CAMK2D: variants seen among roughly 807,000 people sequenced by gnomAD.
CAMK2D encodes calcium/calmodulin dependent protein kinase II delta.
A neutral mutation model predicts 84.0 loss-of-function variants in CAMK2D; 37 were observed. The ratio of observed to expected loss-of-function variants is 0.44; its 90% CI spans 0.34 to 0.58. CAMK2D has a LOEUF of 0.58. CAMK2D is among the 20% of genes least tolerant of loss of function. The probability of loss-of-function intolerance (pLI) is 0.02; values close to 1 mark genes in which losing one functional copy is unlikely to be tolerated. For synonymous variants in CAMK2D, 202 were observed against 212.5 expected (o/e 0.95, Z 0.43); for missense variants, 448 against 652.5 (o/e 0.69, Z 3.41).
chr4:113,457,854 G>T (rs2097323555), intron 18 of CAMK2D, among the ~76,000 whole-genome samples: 1 of 152,172 alleles, frequency 6.6e-6, no homozygotes, highest in African/African-American at 2.4e-5. Flanking sequence ...ATTTACAATG[G>T]AAAGTGGTTA....
chr4:113,567,169 T>C lies in CAMK2D; in HGVS notation c.276-15073A>G, dbSNP rs1030019200. Among the ~76,000 whole-genome samples the C allele has an allele frequency of 6.4e-4, 64 of 100,446 alleles. 1 individual carries two copies. The East Asian group carries it at 0.016, about 26-fold the overall frequency. 65.9% of individuals were successfully genotyped at this position (100,446 alleles called of 152,430 possible). ...AGATCTTTTTTTTCTTTTCTTTTCCTTTTTTTTTTTTTTTTTGAGATGGAG... is the reference window on the plus strand; with the variant it reads ...AGATCTTTTTTTTCTTTTCTTTTCCCTTTTTTTTTTTTTTTTGAGATGGAG... On this transcript the variant is annotated intron_variant, in intron 4 of 20. Transcript: ENST00000511664.
chr4:113,638,002 T>C (rs1394573636), intron 3 of CAMK2D, among the ~76,000 whole-genome samples: 1 of 152,132 alleles, frequency 6.6e-6, no homozygotes, highest in Admixed American at 6.6e-5. Flanking sequence ...CCATCCTCCT[T>C]CTCCCAAATA....
chr4:113,622,630 G>A (rs934786426), intron 3 of CAMK2D, among the ~76,000 whole-genome samples: 2 of 152,148 alleles, frequency 1.3e-5, no homozygotes, highest in African/African-American at 4.8e-5. Flanking sequence ...TGGACGTGGT[G>A]TTGCATGCCT....
intron 14 of CAMK2D, among the ~76,000 whole-genome samples, chr4:113,504,564 A>G (rs2098101749): frequency 6.6e-6 from 1 of 152,232 alleles, no homozygotes; most frequent in African/African-American, 2.4e-5. Context: ...CAACAATCCC[A>G]TTAGCTCTCC....
intron 8 of CAMK2D, among the ~76,000 whole-genome samples, chr4:113,527,803 T>C (rs1290260048): frequency 6.6e-6 from 1 of 152,200 alleles, no homozygotes; most frequent in African/African-American, 2.4e-5. Context: ...TGGGGTATAA[T>C]ATGATGTTTT....
rs539789399 is a variant in CAMK2D, at chr4:113,607,626, C to T, written c.275+1526G>A. Among the ~76,000 whole-genome samples, 18 of 152,124 alleles carry T rather than the reference C, an allele frequency of 1.2e-4. No individual in the cohort carries two copies. In the South Asian group the frequency reaches 3.5e-3, roughly 30 times the overall value. On this transcript the variant is annotated intron_variant, in intron 4 of 20. Transcript: ENST00000511664. ...GCACCCTGTAATCCCTGTCCCCGCC[C>T]GCAAGAGAAAAATCCCCTTTGACTG...
rs564083742 is a variant in CAMK2D, at chr4:113,589,701, T to G, written c.275+19451A>C. 3.9e-4 allele frequency among the ~76,000 whole-genome samples: 60 copies of G among 152,224 alleles called. 1 individual carries two copies. In the South Asian group the frequency reaches 0.011, roughly 29 times the overall value. On this transcript the variant is annotated intron_variant, in intron 4 of 20. Coordinates refer to ENST00000511664, the MANE Select transcript of CAMK2D (RefSeq NM_001321571.2). The stretch of plus-strand genomic sequence containing the variant: ...TTGAGATGCCAATTAGACATGCAAG[T>G]AGAGATAGTGAGTAGGCAACAGAAT...
intron 2 of CAMK2D, among the ~76,000 whole-genome samples, chr4:113,696,255 C>A (rs928254392): frequency 4.0e-5 from 6 of 151,210 alleles, no homozygotes; most frequent in African/African-American, 1.5e-4. Context: ...CCTTAGCCCC[C>A]TTCCCTTGCA....
chr4:113,469,723 T>C (rs1221379711), intron 16 of CAMK2D, among the ~76,000 whole-genome samples: 1 of 152,182 alleles, frequency 6.6e-6, no homozygotes, highest in Non-Finnish European at 1.5e-5. Context: ...TGCTCTTCCA[T>C]GGATCCCCAT....
intron 3 of CAMK2D, among the ~76,000 whole-genome samples, chr4:113,611,045 A>G (rs1050940074): frequency 9.7e-6 from 1 of 102,896 alleles, no homozygotes; most frequent in Admixed American, 1.1e-4. Flanking sequence ...ATATATACAC[A>G]TAACACACAC....
intron 4 of CAMK2D, among the ~76,000 whole-genome samples, chr4:113,559,644 A>T (rs988689995): frequency 1.3e-5 from 2 of 152,252 alleles, no homozygotes; most frequent in African/African-American, 4.8e-5. Flanking sequence ...TGCCAAGGCA[A>T]CTGCCTTTGA....
chr4:113,738,216 A>G (rs1479327528), intron 2 of CAMK2D, among the ~76,000 whole-genome samples: 1 of 152,058 alleles, frequency 6.6e-6, no homozygotes, highest in Admixed American at 6.6e-5. Flanking sequence ...TGAAAAAAAA[A>G]AAAAAACTAC....
intron 3 of CAMK2D, among the ~76,000 whole-genome samples, chr4:113,636,125 A>G (rs1481739838): frequency 6.6e-6 from 1 of 152,102 alleles, no homozygotes; most frequent in African/African-American, 2.4e-5. Context: ...CCGGTAACAA[A>G]TCCTTTCATC....
intron 17 of CAMK2D, 145 bp from the exon 18 acceptor site, chr4:113,460,386 T>C: frequency 1.5e-6 from 1 of 651,720 alleles, no homozygotes; most frequent in Non-Finnish European, 2.7e-6. Flanking sequence ...TCATAAACCT[T>C]GGCAAGGTGG....
intron 3 of CAMK2D, among the ~76,000 whole-genome samples, chr4:113,651,523 AC>A: frequency 6.6e-6 from 1 of 152,232 alleles, no homozygotes; most frequent in East Asian, 1.9e-4. Flanking sequence ...GTTATCTCAA[AC>A]CCCTAAATTG....
At chr4:113,610,827 T>A (rs1161922392) in intron 3 of CAMK2D, among the ~76,000 whole-genome samples, 1 of 152,150 alleles carries the variant, frequency 6.6e-6, no homozygotes, top group Non-Finnish European at 1.5e-5. Flanking sequence ...GCATATTTTA[T>A]CTTTATTTAC....
chr4:113,732,446 A>G (rs560031909), intron 2 of CAMK2D, among the ~76,000 whole-genome samples: 13 of 152,188 alleles, frequency 8.5e-5, no homozygotes, highest in African/African-American at 2.9e-4. Context: ...TAATGTCGAA[A>G]CACTTGCATT....
At chr4:113,556,619 A>G (rs916407752) in intron 4 of CAMK2D, among the ~76,000 whole-genome samples, 11 of 152,110 alleles carry the variant, frequency 7.2e-5, no homozygotes, top group African/African-American at 2.7e-4. Flanking sequence ...GCCCTGTTCT[A>G]GGTGCGGCAG....
rs114665133 is a variant in CAMK2D at position 113,631,341 on chromosome 4, C to T, written c.221-22135G>A. ...CAGCCTGGGCAACATGGCAAAACCT[C>T]GTCTCCATTTTTTAAAAATTAAAAT... On this transcript the variant is annotated intron_variant, in intron 3 of 20. Transcript: ENST00000511664. Among the ~76,000 whole-genome samples the T allele has an allele frequency of 4.1e-3, 616 of 152,084 alleles. 10 individuals are homozygous for T. The highest frequency in any genetic ancestry group is 0.014 in the African/African-American group (596 of 41,510).
Sources: gnomAD v4.1 joint callset for allele counts (sites outside exome capture counted in the v4.1 genomes callset) on GRCh38, gnomAD v4.1.1 for gene constraint, MANE v1.5 for transcripts, NCBI Gene and HGNC (gene_info 2026-07-23, HGNC 2026-07-21) for gene names.